Variants in PPP4R2 observed in about 807,000 individuals in gnomAD.
The protein encoded by PPP4R2 is protein phosphatase 4 regulatory subunit 2, also known as serine/threonine-protein phosphatase 4 regulatory subunit 2.
PPP4R2 carries 13 observed loss-of-function variants against 47.2 expected under a neutral mutation model. The observed-to-expected ratio is 0.28, with a 90% CI of 0.18 to 0.44. The LOEUF (loss-of-function observed/expected upper bound fraction) is 0.44. Ranked by LOEUF, PPP4R2 falls within the 20% of genes least tolerant of loss-of-function variation. The pLI, the probability that PPP4R2 is intolerant of heterozygous loss-of-function variation, is 1.00. For missense variants in PPP4R2, 421 were observed against 491.2 expected, an observed-to-expected ratio of 0.86 and a Z score of 1.35; for synonymous variants, 151 against 163.3, an observed-to-expected ratio of 0.92 and a Z score of 0.57.
intron 2 of PPP4R2, chr3:73,015,974 T>G (rs1377262177): frequency 4.8e-6 from 1 of 209,640 alleles, no homozygotes; most frequent in African/African-American, 2.4e-5. Context: ...CACCATGTTA[T>G]CCAGGCTGGT....
intron 3 of PPP4R2, among the ~76,000 whole-genome samples, chr3:73,049,264 C>T (rs549880382): frequency 1.3e-5 from 2 of 151,628 alleles, no homozygotes; most frequent in Admixed American, 6.6e-5. Flanking sequence ...TTTGGGAGGC[C>T]GAGGTGGGCA....
At chr3:73,020,635 A>G (rs1016967130) in intron 2 of PPP4R2, among the ~76,000 whole-genome samples, 1 of 147,776 alleles carries the variant, frequency 6.8e-6, no homozygotes, top group African/African-American at 2.5e-5. Context: ...GCACCACTGC[A>G]CTCCAGCCTG....
intron 2 of PPP4R2, among the ~76,000 whole-genome samples, chr3:73,044,206 G>T (rs186052096): frequency 6.9e-6 from 1 of 144,906 alleles, no homozygotes; most frequent in African/African-American, 2.6e-5. Flanking sequence ...GAATCATAGG[G>T]TGGTTTCATA....
At chr3:73,038,076 A>AG (rs1702300857) in intron 2 of PPP4R2, among the ~76,000 whole-genome samples, 1 of 152,162 alleles carries the variant, frequency 6.6e-6, no homozygotes, top group African/African-American at 2.4e-5. Context: ...GTGGGGGTGA[A>AG]GGGATAGATC....
At chr3:73,061,698 T>C (rs760241869) in intron 5 of PPP4R2, 4 of 191,154 alleles carry the variant, frequency 2.1e-5, no homozygotes, top group Non-Finnish European at 4.3e-5. Context: ...CTGAGAACCA[T>C]TGGTTTAAGG....
rs181385146 is a variant in PPP4R2 at position 73,021,676 on chromosome 3, C to T, written c.116+23518C>T. 2.6e-5 allele frequency among the ~76,000 whole-genome samples: 4 copies of T among 152,168 alleles called. No homozygotes were observed. In the East Asian group the frequency reaches 7.7e-4, roughly 29 times the overall value. On this transcript the variant is annotated intron_variant, in intron 2 of 8. Coordinates refer to ENST00000356692, the MANE Select transcript of PPP4R2 (RefSeq NM_174907.4). ...GTAATTCCTGATTTTACATTGTTTGCTCACATTCCTTCTCATGTTTATTAA... is the reference window on the plus strand; with the variant it reads ...GTAATTCCTGATTTTACATTGTTTGTTCACATTCCTTCTCATGTTTATTAA...
rs768644115 is a variant in PPP4R2 at position 73,065,527 on chromosome 3, A to G, written c.1059A>G (p.Gln353=). The change falls in exon 9 of 9, where the codon CAA becomes CAG. Residue 353 remains glutamine (Q), a synonymous_variant. Coordinates refer to ENST00000356692, the MANE Select transcript of PPP4R2 (RefSeq NM_174907.4). ...AAATGGAGGAATCTGATGTGTCTCA[A>G]GCTGAGAAAGATTTGCTACATTCTG... ...NNQMEESDVS[Q]AEKDLLHSEG... 1.2e-6 allele frequency: 2 copies of G among 1,612,132 alleles called. No homozygotes were observed. The highest frequency in any genetic ancestry group is 1.7e-6 in the Non-Finnish European group (2 of 1,179,688).
At chr3:73,019,454 A>ACCT (rs1309567810) in intron 2 of PPP4R2, among the ~76,000 whole-genome samples, 1 of 151,916 alleles carries the variant, frequency 6.6e-6, no homozygotes, top group Non-Finnish European at 1.5e-5. Flanking sequence ...GCTCACTGCA[A>ACCT]CCTCCTCCTC....
At chr3:73,064,733 T>C (rs752227720) in intron 7 of PPP4R2, 119 bp from the exon 8 acceptor site, 5 of 842,218 alleles carry the variant, frequency 5.9e-6, no homozygotes, top group Non-Finnish European at 7.6e-6. Flanking sequence ...TTTGTTCAGG[T>C]GTTATAATTT....
chr3:73,062,419 C>G, intron 5 of PPP4R2: 1 of 1,611,252 alleles, frequency 6.2e-7, no homozygotes, highest in Non-Finnish European at 8.5e-7. Flanking sequence ...ATGCTAGACC[C>G]AGCACATAAA....
chr3:73,062,332 G>C, intron 5 of PPP4R2: 1 of 1,601,496 alleles, frequency 6.2e-7, no homozygotes, highest in Non-Finnish European at 8.5e-7. Context: ...GGGAAAAACA[G>C]ACAGTATCCA....
intron 2 of PPP4R2, among the ~76,000 whole-genome samples, chr3:73,027,368 C>T (rs1036169241): frequency 1.1e-4 from 17 of 152,200 alleles, no homozygotes; most frequent in South Asian, 2.1e-4. Flanking sequence ...CCTCATGATC[C>T]GCCAGCCTTG....
At chr3:73,060,685 A>T (rs148334632) in intron 4 of PPP4R2, among the ~76,000 whole-genome samples, 1,551 of 152,316 alleles carry the variant, frequency 0.01, 20 homozygotes, top group Middle Eastern at 0.017. Context: ...TGTCTTAAGT[A>T]CTTCAATCTC....
intron 2 of PPP4R2, among the ~76,000 whole-genome samples, chr3:73,008,230 G>A (rs1242437120): frequency 6.6e-6 from 1 of 151,968 alleles, no homozygotes; most frequent in Non-Finnish European, 1.5e-5. Context: ...TCATCACAGT[G>A]GTACACAGAG....
At chr3:73,034,920 G>A (rs1009809006) in intron 2 of PPP4R2, among the ~76,000 whole-genome samples, 18 of 151,754 alleles carry the variant, frequency 1.2e-4, no homozygotes, top group African/African-American at 4.4e-4. Flanking sequence ...AAAAGCACAG[G>A]GAACGAAAGC....
At chr3:73,050,112 T>TTTTG (rs1226680692) in intron 3 of PPP4R2, among the ~76,000 whole-genome samples, 3 of 151,910 alleles carry the variant, frequency 2.0e-5, no homozygotes, top group Non-Finnish European at 2.9e-5. Context: ...GCTATGTTTT[T>TTTTG]TTTGTTTGTT....
At chr3:73,040,315 C>T (rs1702351801) in intron 2 of PPP4R2, among the ~76,000 whole-genome samples, 1 of 152,118 alleles carries the variant, frequency 6.6e-6, no homozygotes, top group Non-Finnish European at 1.5e-5. Context: ...TACATGGTGT[C>T]TGGGGAGTTT....
intron 2 of PPP4R2, among the ~76,000 whole-genome samples, chr3:73,021,897 T>TAG (rs1553646888): frequency 1.8e-5 from 2 of 111,144 alleles, no homozygotes; most frequent in Non-Finnish European, 3.7e-5. Flanking sequence ...TGCATATATA[T>TAG]ATATTTTTTT....
intron 2 of PPP4R2, among the ~76,000 whole-genome samples, chr3:73,028,292 G>C (rs1052247397): frequency 6.7e-6 from 1 of 149,990 alleles, no homozygotes; most frequent in Non-Finnish European, 1.5e-5. Context: ...GTCTTACTCA[G>C]CCTCCCAAAG....
Sources: allele counts gnomAD v4.1 joint callset (sites outside exome capture counted in the v4.1 genomes callset), GRCh38; gene constraint gnomAD v4.1.1; transcripts MANE v1.5; gene names NCBI Gene and HGNC (gene_info 2026-07-23, HGNC 2026-07-21).